Variants in DCDC1 observed in about 807,000 individuals in gnomAD.
The protein encoded by DCDC1 is doublecortin domain containing 1.
In DCDC1, 200 loss-of-function variants were observed where a neutral mutation model predicts 178.3. That is an observed-to-expected ratio of 1.12 (90% CI 1.00 to 1.26). DCDC1 has a LOEUF of 1.26. Ranked by LOEUF, DCDC1 falls within the 50% of genes most tolerant of loss-of-function variation. DCDC1 has a pLI of 0.00. For synonymous variants in DCDC1, 690 were observed against 604.8 expected, an observed-to-expected ratio of 1.14 and a Z score of -2.07; for missense variants, 1,983 against 1,749.2, an observed-to-expected ratio of 1.13 and a Z score of -2.38.
chr11:31,217,044 A>G (rs1973669139), intron 9 of DCDC1, among the ~76,000 whole-genome samples: 1 of 152,180 alleles, frequency 6.6e-6, no homozygotes, highest in Admixed American at 6.5e-5. Flanking sequence ...TGAAAAGGGC[A>G]ATAAAGAAGG....
At chr11:30,914,662 G>C (rs1945704718) in intron 27 of DCDC1, among the ~76,000 whole-genome samples, 1 of 146,504 alleles carries the variant, frequency 6.8e-6, no homozygotes, top group African/African-American at 2.5e-5. Flanking sequence ...AAGAGAGAGA[G>C]AGAGAAATGT....
At chr11:30,984,407 A>C (rs1037997326) in intron 20 of DCDC1, among the ~76,000 whole-genome samples, 12 of 152,176 alleles carry the variant, frequency 7.9e-5, no homozygotes, top group Admixed American at 3.3e-4. Context: ...TTTTTCTCTC[A>C]CAAAAATTCA....
In DCDC1 at chr11:31,347,395, G is replaced by C. The variant is rs376422541; in HGVS notation, c.-124-11831C>G. On this transcript the variant is annotated intron_variant, in intron 1 of 38. Coordinates refer to ENST00000684477, the MANE Select transcript of DCDC1 (RefSeq NM_001387274.1). Reference sequence around the variant, plus strand: ...TAGTTCAAAATCCCAAATTGTGAGGGAGAGTTAGTAAAGTTCAAAGTAGAG... The same window carrying C: ...TAGTTCAAAATCCCAAATTGTGAGGCAGAGTTAGTAAAGTTCAAAGTAGAG... 2.0e-5 allele frequency among the ~76,000 whole-genome samples: 3 copies of C among 152,286 alleles called. No homozygotes were observed. In the East Asian group the frequency reaches 5.8e-4, roughly 29 times the overall value.
intron 28 of DCDC1, among the ~76,000 whole-genome samples, chr11:30,911,060 C>T (rs909870428): frequency 6.6e-5 from 10 of 152,280 alleles, no homozygotes; most frequent in Middle Eastern, 3.4e-3. Flanking sequence ...GACAATTTCT[C>T]ATGCTTGCCA....
At chr11:31,065,982 C>G (rs1956228141) in intron 18 of DCDC1, among the ~76,000 whole-genome samples, 1 of 152,086 alleles carries the variant, frequency 6.6e-6, no homozygotes, top group Admixed American at 6.6e-5. Context: ...TGTAACTACA[C>G]CAGCAGCAGG....
At chr11:31,067,475 G>A (rs1365368822) in intron 18 of DCDC1, among the ~76,000 whole-genome samples, 1 of 152,104 alleles carries the variant, frequency 6.6e-6, no homozygotes, top group Non-Finnish European at 1.5e-5. Flanking sequence ...AGGGGAAACA[G>A]CTTGGCTAGT....
At chr11:31,088,201 T>G (rs1379938462) in intron 17 of DCDC1, among the ~76,000 whole-genome samples, 1 of 152,176 alleles carries the variant, frequency 6.6e-6, no homozygotes, top group Admixed American at 6.5e-5. Context: ...ATTTGTTTCT[T>G]TATATTTAAA....
chr11:31,025,412 T>C (rs1953157241), intron 20 of DCDC1, among the ~76,000 whole-genome samples: 1 of 151,784 alleles, frequency 6.6e-6, no homozygotes, highest in African/African-American at 2.4e-5. Flanking sequence ...CATTTGAATT[T>C]CTTAAAACAT....
rs764768065 is a variant in DCDC1, at chr11:30,920,779, A to T, written c.3290T>A (p.Ile1097Asn). 7.4e-6 allele frequency: 12 copies of T among 1,613,370 alleles called. No homozygotes were observed. Among genetic ancestry groups the T allele is most frequent in the Non-Finnish European group, 6.8e-6 (8 of 1,179,614 alleles). Reference protein sequence around the residue: ...PLTTENASSEILDSHVRAHLR... With the variant: ...PLTTENASSENLDSHVRAHLR... ...TCAGGCTACACTGATTACTTACAGAATTTCACTGGAAGCATTTTCCGTTGT... is the reference window on the plus strand; with the variant it reads ...TCAGGCTACACTGATTACTTACAGATTTTCACTGGAAGCATTTTCCGTTGT... Residue 1097 changes from isoleucine (I) to asparagine (N), a missense_variant, in exon 25 of 39, where the codon ATT becomes AAT. Physicochemically the swap from Ile to Asn is moderately radical, Grantham distance 149. Transcript: ENST00000684477.
intron 20 of DCDC1, among the ~76,000 whole-genome samples, chr11:31,060,698 T>C (rs1452258551): frequency 6.6e-6 from 1 of 152,120 alleles, no homozygotes; most frequent in Admixed American, 6.6e-5. Context: ...TGCAAACATT[T>C]AATTATTAAA....
intron 20 of DCDC1, 139 bp downstream of exon 20, chr11:31,064,330 G>T (rs1377357718): frequency 1.0e-5 from 6 of 584,916 alleles, no homozygotes; most frequent in Middle Eastern, 3.4e-4. Flanking sequence ...CATCAAATGT[G>T]ACCCAAAAAC....
At chr11:31,262,546 ATT>A (rs545338581) in intron 8 of DCDC1, 2 of 152,230 alleles carry the variant, frequency 1.3e-5, no homozygotes, top group South Asian at 4.1e-4. Flanking sequence ...ATAAAAAGTA[ATT>A]GCTATGATTT....
chr11:31,233,325 T>C (rs1015081321), intron 9 of DCDC1, among the ~76,000 whole-genome samples: 2 of 152,200 alleles, frequency 1.3e-5, no homozygotes, highest in African/African-American at 2.4e-5. Flanking sequence ...TATTTCCTAA[T>C]AGCTTCACAT....
At chr11:31,270,204 C>T (rs1945457049) in intron 7 of DCDC1, among the ~76,000 whole-genome samples, 1 of 152,244 alleles carries the variant, frequency 6.6e-6, no homozygotes, top group South Asian at 2.1e-4. Context: ...ATGGCTTGTA[C>T]ATTTTGAATT....
chr11:30,876,326 A>G (rs1331523669), intron 38 of DCDC1, among the ~76,000 whole-genome samples: 2 of 152,202 alleles, frequency 1.3e-5, no homozygotes, highest in Non-Finnish European at 2.9e-5. Context: ...GTCTTATCCT[A>G]TATTCCTTGC....
chr11:31,220,528 G>C (rs1040341786), intron 9 of DCDC1, among the ~76,000 whole-genome samples: 9 of 152,128 alleles, frequency 5.9e-5, no homozygotes, highest in Non-Finnish European at 1.3e-4. Flanking sequence ...TCTGCTTACT[G>C]TACTCAGGCT....
At chr11:31,175,248 C>T (rs1317637184) in intron 9 of DCDC1, among the ~76,000 whole-genome samples, 1 of 152,182 alleles carries the variant, frequency 6.6e-6, no homozygotes, top group Non-Finnish European at 1.5e-5. Flanking sequence ...GGCACCTGTG[C>T]CAGGGCCTGG....
intron 9 of DCDC1, among the ~76,000 whole-genome samples, chr11:31,191,887 C>T (rs1970174367): frequency 6.6e-6 from 1 of 151,912 alleles, no homozygotes; most frequent in Admixed American, 6.6e-5. Context: ...CTCCAGTATA[C>T]ATTATTGTAA....
intron 36 of DCDC1, chr11:30,882,528 G>C (rs1416385025): frequency 1.3e-5 from 2 of 151,892 alleles, no homozygotes; most frequent in Non-Finnish European, 2.9e-5. Context: ...GTGCCATGTT[G>C]GTTAAATGCA....
Sources: allele counts gnomAD v4.1 joint callset (sites outside exome capture counted in the v4.1 genomes callset), GRCh38; gene constraint gnomAD v4.1.1; transcripts MANE v1.5; gene names NCBI Gene and HGNC (gene_info 2026-07-23, HGNC 2026-07-21).